HDLBP: variants seen among roughly 807,000 people sequenced by gnomAD.
The protein encoded by HDLBP is high density lipoprotein binding protein.
Under a neutral mutation model 137.3 loss-of-function variants are expected in HDLBP, and 30 were observed. The observed-to-expected ratio is 0.22, with a 90% confidence interval of 0.16 to 0.30. HDLBP has a LOEUF of 0.30. Among genes scored for constraint, HDLBP ranks in the 10% least tolerant of loss-of-function variants. HDLBP has a pLI of 1.00. For missense variants in HDLBP, 1,119 were observed against 1,667.3 expected, an observed-to-expected ratio of 0.67 and a Z score of 5.73; for synonymous variants, 606 against 596.0, an observed-to-expected ratio of 1.02 and a Z score of -0.24.
intron 1 of HDLBP, among the ~76,000 whole-genome samples, chr2:241,314,814 A>G (rs1198974948): frequency 6.6e-6 from 1 of 152,238 alleles, no homozygotes; most frequent in Non-Finnish European, 1.5e-5. Context: ...TCCCAACACC[A>G]TGCGGGTCAG....
rs1574925222 is a variant in HDLBP at position 241,252,866 on chromosome 2, G to A, written c.1372+91C>T. On this transcript the variant is annotated intron_variant, in intron 11 of 27. Coordinates refer to ENST00000310931, the MANE Select transcript of HDLBP (RefSeq NM_005336.6). ...TTACAGGCAGCAATGGGCCTGGACT[G>A]TCTGCACGGACGTCACAGTTCTCAC... 4.8e-6 allele frequency: 4 copies of A among 834,122 alleles called. 1 individual carries two copies. Among genetic ancestry groups the A allele is most frequent in the South Asian group, 1.5e-5 (1 of 65,256 alleles). The allele number at this position is 834,122 out of a possible 1,614,324, so 51.7% of individuals were successfully genotyped here.
chr2:241,281,218 G>C (rs1466519684), intron 1 of HDLBP, among the ~76,000 whole-genome samples: 1 of 152,128 alleles, frequency 6.6e-6, no homozygotes, highest in Non-Finnish European at 1.5e-5. Context: ...CTCGGGCTTG[G>C]GGGTGCATGC....
At chr2:241,253,907 T>C (rs1574929195) in intron 9 of HDLBP, among the ~76,000 whole-genome samples, 1 of 152,196 alleles carries the variant, frequency 6.6e-6, no homozygotes, top group South Asian at 2.1e-4. Flanking sequence ...TTGCTTGACA[T>C]AGACAAGGCT....
At chr2:241,308,396 C>T (rs1350439743) in intron 1 of HDLBP, among the ~76,000 whole-genome samples, 1 of 152,120 alleles carries the variant, frequency 6.6e-6, no homozygotes, top group Admixed American at 6.5e-5. Flanking sequence ...AATAACATTC[C>T]TAAAGGGCAC....
chr2:241,289,846 T>C (rs1316841560), intron 1 of HDLBP, among the ~76,000 whole-genome samples: 1 of 151,604 alleles, frequency 6.6e-6, no homozygotes, highest in Non-Finnish European at 1.5e-5. Flanking sequence ...GTGGGGTGAG[T>C]ATGGCAGTGG....
In HDLBP at chr2:241,286,417, C is replaced by A. The variant is rs546302024; in HGVS notation, c.-102-17876G>T. Among the ~76,000 whole-genome samples the A allele has an allele frequency of 4.6e-5, 7 of 152,354 alleles. No homozygotes were observed. The South Asian group carries it at 1.4e-3, about 32-fold the overall frequency. On this transcript the variant is annotated intron_variant, in intron 1 of 27. Transcript: ENST00000310931. ...CTGAGATAAATGCGTATCTGACTGC[C>A]TCCTTTGGAGAGGCTCATCAGAAAC... is the stretch of plus-strand genomic sequence containing the variant.
rs2072542460 is a variant in HDLBP, at chr2:241,255,487, C to T, written c.967G>A (p.Glu323Lys). The T allele has an allele frequency of 6.2e-7, 1 of 1,614,014 alleles. No individual in the cohort carries two copies. Among genetic ancestry groups the T allele is most frequent in the Non-Finnish European group, 8.5e-7 (1 of 1,179,868 alleles). The change falls in exon 8 of 28, where the codon GAG (glutamate) becomes AAG (lysine). Residue 323 changes from glutamate to lysine, a missense_variant. Glu to Lys is a moderately conservative substitution (Grantham distance 56). Around this residue, in one of 4 missense-constraint regions of HDLBP, gnomAD observed 425 missense variants for 693.9 expected, o/e 0.61. Coordinates refer to ENST00000310931, the MANE Select transcript of HDLBP (RefSeq NM_005336.6). ...ATCTCAACGGAAACTCCAGTTCTCT[C>T]AAGGATCTCCTGCAATGAATTGCCC... Reference protein sequence around the residue: ...PKGNSLQEILERTGVSVEIPP... With the variant: ...PKGNSLQEILKRTGVSVEIPP...
intron 1 of HDLBP, among the ~76,000 whole-genome samples, chr2:241,306,629 G>A (rs1419720866): frequency 2.0e-5 from 3 of 152,094 alleles, no homozygotes; most frequent in Non-Finnish European, 4.4e-5. Flanking sequence ...GTCAGGCTGG[G>A]AGCAGTGGCT....
intron 1 of HDLBP, among the ~76,000 whole-genome samples, chr2:241,310,265 A>T (rs1469043751): frequency 6.6e-6 from 1 of 152,228 alleles, no homozygotes; most frequent in Non-Finnish European, 1.5e-5. Context: ...GACAAACTTG[A>T]GAATAACTTC....
Position 241,239,359 on chromosome 2 carries a change from C to A in HDLBP, c.2610+243G>T, listed in dbSNP as rs1037893748. 4.6e-5 allele frequency among the ~76,000 whole-genome samples: 7 copies of A among 152,082 alleles called. No individual in the cohort carries two copies. Among genetic ancestry groups the A allele is most frequent in the Non-Finnish European group, 7.4e-5 (5 of 67,994 alleles). On this transcript the variant is annotated intron_variant, in intron 19 of 27. Coordinates refer to ENST00000310931, the MANE Select transcript of HDLBP (RefSeq NM_005336.6). This position sits in a 1 kb window ranked among gnomAD's most constrained non-coding sequence, Gnocchi z 4.6. ...TTCCTCTCTCTCTCTCCCCTCTCCT[C>A]TTCTCCTTCTCTCTCTCTTTTTTTT...
At position 241,266,892 on chromosome 2, in the gene HDLBP, A is replaced by G. The variant is rs1215376533; in HGVS notation, c.-23T>C. 6 of 1,613,062 alleles carry G rather than the reference A, an allele frequency of 3.7e-6. No homozygotes were observed. Among genetic ancestry groups the G allele is most frequent in the Non-Finnish European group, 5.1e-6 (6 of 1,179,102 alleles). ...CATGGTTGATCTCACACCTACACAC[A>G]ATCCGGGAAAACCACTAAAGCAAAG... On this transcript the variant is annotated 5_prime_UTR_variant, in exon 3 of 28. Coordinates refer to ENST00000310931, the MANE Select transcript of HDLBP (RefSeq NM_005336.6).
chr2:241,278,798 A>C lies in HDLBP; in HGVS notation c.-102-10257T>G, dbSNP rs2074491174. Among the ~76,000 whole-genome samples the C allele has an allele frequency of 2.0e-5, 3 of 152,242 alleles. No individual in the cohort carries two copies. In the South Asian group the frequency reaches 6.2e-4, roughly 31 times the overall value. On this transcript the variant is annotated intron_variant, in intron 1 of 27. Coordinates refer to ENST00000310931, the MANE Select transcript of HDLBP (RefSeq NM_005336.6). The stretch of plus-strand genomic sequence containing the variant: ...TTAGAACTAATTAAAAAGTTCAGTA[A>C]GTTTTCTGGAAATAAAACCAATACA...
At position 241,262,010 on chromosome 2, in the gene HDLBP, T is replaced by TTCTTTACATTTTTCTTGG. The variant is rs1254687222; in HGVS notation, c.450+683_450+700dup. On this transcript the variant is annotated intron_variant, in intron 5 of 27. Transcript: ENST00000310931. ...GCAGTCACGCAACACTTTAGTAAGA[T>TTCTTTACATTTTTCTTGG]TCTTTACATTTTTCTTGGTCTTTAA... 2.0e-5 allele frequency among the ~76,000 whole-genome samples: 3 copies of TTCTTTACATTTTTCTTGG among 152,242 alleles called. No homozygotes were observed. In the East Asian group the frequency reaches 5.8e-4, roughly 29 times the overall value.
chr2:241,235,259 C>T lies in HDLBP; in HGVS notation c.3010-4G>A, dbSNP rs181137225. ...GTGCCGGGACATGTATGTTCACCTA[C>T]GTGAAGAGGGGGCTGACTTGACGTT... On this transcript the variant is annotated splice_region_variant and splice_polypyrimidine_tract_variant and intron_variant, in intron 22 of 27. Coordinates refer to ENST00000310931, the MANE Select transcript of HDLBP (RefSeq NM_005336.6). The T allele has an allele frequency of 1.7e-5, 28 of 1,614,140 alleles. No homozygotes were observed. Among genetic ancestry groups the T allele is most frequent in the African/African-American group, 1.7e-4 (13 of 75,038 alleles).
intron 1 of HDLBP, among the ~76,000 whole-genome samples, chr2:241,277,266 T>C (rs2074423223): frequency 6.6e-6 from 1 of 152,036 alleles, no homozygotes; most frequent in Non-Finnish European, 1.5e-5. Flanking sequence ...TAAAATAAGC[T>C]AATCATCCAC....
In HDLBP at chr2:241,233,799, C is replaced by T. The variant is rs200137065; in HGVS notation, c.3288+21G>A. The T allele has an allele frequency of 1.3e-5, 21 of 1,613,738 alleles. No homozygotes were observed. Among genetic ancestry groups the T allele is most frequent in the Middle Eastern group, 1.7e-4 (1 of 5,908 alleles). On this transcript the variant is annotated intron_variant, in intron 24 of 27. Coordinates refer to ENST00000310931, the MANE Select transcript of HDLBP (RefSeq NM_005336.6). This position sits in a 1 kb window ranked among gnomAD's most constrained non-coding sequence, Gnocchi z 4.3. ...TCAACAAGCACCTCTGCCCCCGACA[C>T]GCTCCAACCGAGGCTCTCACCTGGT...
intron 16 of HDLBP, among the ~76,000 whole-genome samples, chr2:241,246,227 C>T (rs2071662596): frequency 6.7e-6 from 1 of 149,536 alleles, no homozygotes; most frequent in African/African-American, 2.5e-5. Flanking sequence ...AAAGCATCTA[C>T]TGTGGCCGAA....
intron 1 of HDLBP, among the ~76,000 whole-genome samples, chr2:241,285,428 A>G (rs2074766282): frequency 6.6e-6 from 1 of 152,188 alleles, no homozygotes; most frequent in Non-Finnish European, 1.5e-5. Context: ...GGGTGGCAGA[A>G]CACAAAGCAC....
chr2:241,305,679 C>A (rs1157842621), intron 1 of HDLBP, among the ~76,000 whole-genome samples: 2 of 152,166 alleles, frequency 1.3e-5, no homozygotes, highest in African/African-American at 2.4e-5. Flanking sequence ...TAACAAAAAT[C>A]ACCCTGGTGA....
Sources: gnomAD v4.1 joint callset for allele counts (sites outside exome capture counted in the v4.1 genomes callset) on GRCh38, gnomAD v4.1.1 for gene constraint, gnomAD v4.1.1 regional missense constraint, Gnocchi (gnomAD v3.1) non-coding constraint, MANE v1.5 for transcripts, NCBI Gene and HGNC (gene_info 2026-07-23, HGNC 2026-07-21) for gene names.